SMOC2: variants seen among roughly 807,000 people sequenced by gnomAD.
SMOC2 encodes the protein SPARC related modular calcium binding 2.
SMOC2 carries 39 observed loss-of-function variants against 61.4 expected under a neutral mutation model. That is an observed-to-expected ratio of 0.64 (90% CI 0.49 to 0.83). The LOEUF (loss-of-function observed/expected upper bound fraction) is 0.83. Ranked by LOEUF, SMOC2 falls within the 40% of genes least tolerant of loss-of-function variation. SMOC2 has a pLI of 0.00. For synonymous variants in SMOC2, 247 were observed against 239.9 expected, an observed-to-expected ratio of 1.03 and a Z score of -0.27; for missense variants, 556 against 592.9, an observed-to-expected ratio of 0.94 and a Z score of 0.65.
At chr6:168,466,784 G>A (rs976806002) in intron 1 of SMOC2, among the ~76,000 whole-genome samples, 19 of 152,246 alleles carry the variant, frequency 1.2e-4, no homozygotes, top group African/African-American at 3.4e-4. Flanking sequence ...ATGGGGAGAA[G>A]CGCCAAAAGT....
chr6:168,501,759 G>T lies in SMOC2; in HGVS notation c.85-8156G>T, dbSNP rs948203379. Among the ~76,000 whole-genome samples the T allele has an allele frequency of 8.5e-5, 13 of 152,374 alleles. No individual in the cohort carries two copies. In the South Asian group the frequency reaches 1.2e-3, roughly 15 times the overall value. ...TCTCCGTACCCAACAGCGTCACCCA[G>T]GGGTGGCTGGGGTTCAGCCTTGCTT... On this transcript the variant is annotated intron_variant, in intron 1 of 12. Transcript: ENST00000356284.
chr6:168,547,214 C>G (rs752396727), intron 6 of SMOC2, 45 bp downstream of exon 6: 2 of 1,557,242 alleles, frequency 1.3e-6, no homozygotes, highest in African/African-American at 2.7e-5. Flanking sequence ...GGGAGGAGTG[C>G]GAGGGACGGT....
intron 1 of SMOC2, among the ~76,000 whole-genome samples, chr6:168,495,103 C>T (rs1782554634): frequency 6.6e-6 from 1 of 152,224 alleles, no homozygotes; most frequent in Non-Finnish European, 1.5e-5. Flanking sequence ...AGGGTGGGCT[C>T]AGGACACAGA....
intron 9 of SMOC2, among the ~76,000 whole-genome samples, chr6:168,646,699 G>A (rs1042804324): frequency 4.6e-5 from 7 of 152,178 alleles, no homozygotes; most frequent in African/African-American, 1.7e-4. Flanking sequence ...GGGGTCTCAG[G>A]GACCCGCCAG....
At chr6:168,551,563 C>T (rs1198198147) in intron 7 of SMOC2, among the ~76,000 whole-genome samples, 2 of 152,052 alleles carry the variant, frequency 1.3e-5, no homozygotes, top group African/African-American at 4.8e-5. Context: ...AAGCGATTCT[C>T]CTGCCTCAGC....
At chr6:168,651,199 T>G (rs1787183082) in intron 10 of SMOC2, among the ~76,000 whole-genome samples, 1 of 152,232 alleles carries the variant, frequency 6.6e-6, no homozygotes. Context: ...TTTACTGCAG[T>G]AAAATGTACA....
At chr6:168,582,912 G>A (rs890793037) in intron 7 of SMOC2, among the ~76,000 whole-genome samples, 17 of 152,200 alleles carry the variant, frequency 1.1e-4, no homozygotes, top group African/African-American at 3.9e-4. Flanking sequence ...CTTTCCACAT[G>A]GACACTGTGG....
chr6:168,648,781 G>A (rs534204358), intron 9 of SMOC2, among the ~76,000 whole-genome samples: 13 of 152,338 alleles, frequency 8.5e-5, no homozygotes, highest in African/African-American at 2.4e-4. Context: ...TGAAGTGGAA[G>A]CCAGCATGAC....
intron 1 of SMOC2, among the ~76,000 whole-genome samples, chr6:168,478,100 G>C (rs1164336835): frequency 6.6e-6 from 1 of 152,182 alleles, no homozygotes; most frequent in East Asian, 1.9e-4. Context: ...TTGAAGGGAA[G>C]TGGGGCCATT....
At chr6:168,527,748 C>T (rs1783490430) in intron 4 of SMOC2, 21 bp downstream of exon 4, 2 of 1,473,354 alleles carry the variant, frequency 1.4e-6, no homozygotes, top group Non-Finnish European at 1.9e-6. Flanking sequence ...CGTGCCTTTC[C>T]AAGTGGAAGG....
At chr6:168,637,676 C>T (rs1197576992) in intron 9 of SMOC2, among the ~76,000 whole-genome samples, 1 of 152,188 alleles carries the variant, frequency 6.6e-6, no homozygotes, top group East Asian at 1.9e-4. Context: ...TCATCTAATT[C>T]CTAAGTTACG....
chr6:168,539,526 G>A (rs916858944), intron 4 of SMOC2, among the ~76,000 whole-genome samples: 3 of 152,234 alleles, frequency 2.0e-5, no homozygotes, highest in Non-Finnish European at 2.9e-5. Context: ...AGCCTCACAG[G>A]CCACACTGTG....
intron 5 of SMOC2, 90 bp from the exon 6 acceptor site, chr6:168,547,029 C>T: frequency 1.9e-5 from 29 of 1,506,040 alleles, no homozygotes; most frequent in Non-Finnish European, 2.5e-5. Context: ...GGACTGAGTG[C>T]AAGTCCTCAG....
chr6:168,511,458 T>C (rs1171934641), intron 2 of SMOC2, among the ~76,000 whole-genome samples: 3 of 152,102 alleles, frequency 2.0e-5, no homozygotes, highest in Non-Finnish European at 4.4e-5. Context: ...GAGAATAACA[T>C]AAGAGAAGCC....
chr6:168,650,225 T>C (rs1003948531), intron 9 of SMOC2, among the ~76,000 whole-genome samples: 2 of 152,140 alleles, frequency 1.3e-5, no homozygotes, highest in African/African-American at 4.8e-5. Context: ...TTTGCCCTAC[T>C]GCCTCCTTTT....
intron 1 of SMOC2, among the ~76,000 whole-genome samples, chr6:168,454,185 C>T (rs960556782): frequency 2.6e-5 from 4 of 152,156 alleles, no homozygotes; most frequent in Non-Finnish European, 5.9e-5. Context: ...TGTGACTCTG[C>T]CCTGTGGCCG....
intron 7 of SMOC2, among the ~76,000 whole-genome samples, chr6:168,566,600 A>G (rs1239781448): frequency 6.7e-6 from 1 of 150,032 alleles, no homozygotes; most frequent in African/African-American, 2.5e-5. Context: ...CTCCTGCCTC[A>G]GCCTCCGAGT....
rs749321684 is a variant in SMOC2, at chr6:168,599,435, TCA to T, written c.824+440_824+441del. 1.5e-3 allele frequency among the ~76,000 whole-genome samples: 68 copies of T among 46,660 alleles called. 1 individual carries two copies. Among genetic ancestry groups the T allele is most frequent in the African/African-American group, 4.6e-3 (50 of 10,914 alleles). 30.6% of individuals were successfully genotyped at this position (46,660 alleles called of 152,430 possible). ...ACATTCATACCCCCCACACCCACAC[TCA>T]CACACACATTCGTACCCCCACACAC... On this transcript the variant is annotated intron_variant, in intron 8 of 12. Coordinates refer to ENST00000356284, the MANE Select transcript of SMOC2 (RefSeq NM_001166412.2).
At chr6:168,445,767 A>T (rs1407557843) in intron 1 of SMOC2, among the ~76,000 whole-genome samples, 1 of 152,232 alleles carries the variant, frequency 6.6e-6, no homozygotes, top group Non-Finnish European at 1.5e-5. Flanking sequence ...TTTCCAACTT[A>T]GAAGCCCATT....
Sources: allele counts gnomAD v4.1 joint callset (sites outside exome capture counted in the v4.1 genomes callset), GRCh38; gene constraint gnomAD v4.1.1; transcripts MANE v1.5; gene names NCBI Gene and HGNC (gene_info 2026-07-23, HGNC 2026-07-21).